CTNNA3: variants seen among roughly 807,000 people sequenced by gnomAD.
The protein encoded by CTNNA3 is catenin alpha-3.
A neutral mutation model predicts 95.7 loss-of-function variants in CTNNA3; 76 were observed. That is an observed-to-expected ratio of 0.79 (90% CI 0.66 to 0.96). The LOEUF (loss-of-function observed/expected upper bound fraction) is 0.96. Among genes scored for constraint, CTNNA3 ranks in the 40% least tolerant of loss-of-function variants. CTNNA3 has a pLI of 0.00. For synonymous variants in CTNNA3, 431 were observed against 374.4 expected (o/e 1.15, Z -1.74); for missense variants, 1,191 against 1,089.8 (o/e 1.09, Z -1.31).
intron 5 of CTNNA3, among the ~76,000 whole-genome samples, chr10:67,516,677 T>C (rs1839826970): frequency 6.6e-6 from 1 of 152,234 alleles, no homozygotes; most frequent in Admixed American, 6.5e-5. Flanking sequence ...ACGTCTATCA[T>C]CACTCGTGCT....
At chr10:67,646,462 C>T (rs1839716705) in intron 2 of CTNNA3, among the ~76,000 whole-genome samples, 1 of 151,900 alleles carries the variant, frequency 6.6e-6, no homozygotes, top group Non-Finnish European at 1.5e-5. Flanking sequence ...ATCAGGGATG[C>T]ACATGTTTTG....
intron 5 of CTNNA3, among the ~76,000 whole-genome samples, chr10:67,390,260 G>T (rs1477999160): frequency 6.6e-6 from 1 of 152,138 alleles, no homozygotes; most frequent in East Asian, 1.9e-4. Flanking sequence ...ACTACCATCA[G>T]AGAATACTAC....
chr10:67,150,465 A>T (rs931526210), intron 7 of CTNNA3, among the ~76,000 whole-genome samples: 4 of 152,230 alleles, frequency 2.6e-5, no homozygotes, highest in African/African-American at 9.6e-5. Context: ...GGAACAAAAT[A>T]TTCATCTCCA....
intron 1 of CTNNA3, among the ~76,000 whole-genome samples, chr10:67,693,053 C>T (rs1029098665): frequency 9.2e-5 from 14 of 152,310 alleles, no homozygotes; most frequent in Middle Eastern, 3.4e-3. Context: ...GCCAAATAAA[C>T]TTGACCTAAT....
intron 9 of CTNNA3, among the ~76,000 whole-genome samples, chr10:66,648,336 G>A (rs187256062): frequency 6.6e-6 from 1 of 152,146 alleles, no homozygotes; most frequent in Admixed American, 6.5e-5. Flanking sequence ...ACTCTGGCCC[G>A]CCATGGTGAA....
chr10:66,960,197 T>C (rs1024685834), intron 7 of CTNNA3, among the ~76,000 whole-genome samples: 1 of 152,146 alleles, frequency 6.6e-6, no homozygotes, highest in Admixed American at 6.6e-5. Flanking sequence ...TAAAACCATT[T>C]TCACAATGAA....
chr10:66,483,490 G>A (rs1374238102), intron 11 of CTNNA3, among the ~76,000 whole-genome samples: 1 of 152,032 alleles, frequency 6.6e-6, no homozygotes, highest in Non-Finnish European at 1.5e-5. Flanking sequence ...ATTTAACTAA[G>A]TTTTACTTAT....
rs1381213742 is a variant in CTNNA3, at chr10:67,750,812, A to G, written c.-2+12622T>C. The G allele has an allele frequency of 3.1e-6, 5 of 1,610,004 alleles. No homozygotes were observed. The Admixed American group carries it at 6.7e-5, about 21-fold the overall frequency. On this transcript the variant is annotated intron_variant, in intron 1 of 17. Transcript: ENST00000684154. ...AGGCTCTTGAACAAACCTGGACTGA[A>G]ATATAAACCAGTGACTAACCAGGTT...
At chr10:66,708,013 C>T (rs2132594528) in intron 9 of CTNNA3, among the ~76,000 whole-genome samples, 1 of 152,204 alleles carries the variant, frequency 6.6e-6, no homozygotes, top group African/African-American at 2.4e-5. Context: ...GTCACTCAAT[C>T]TAGGGTCTTA....
intron 7 of CTNNA3, among the ~76,000 whole-genome samples, chr10:66,941,240 C>T (rs957403488): frequency 2.0e-5 from 3 of 152,212 alleles, no homozygotes; most frequent in Non-Finnish European, 4.4e-5. Flanking sequence ...CATTTTACTC[C>T]AGTGTCACAC....
At chr10:66,916,746 G>A (rs562761108) in intron 7 of CTNNA3, among the ~76,000 whole-genome samples, 1 of 152,294 alleles carries the variant, frequency 6.6e-6, no homozygotes, top group Non-Finnish European at 1.5e-5. Context: ...AGGTGCTGGG[G>A]GGAAATTGAA....
chr10:67,521,701 G>A (rs1418768441), intron 5 of CTNNA3, 141 bp downstream of exon 5: 92 of 1,017,784 alleles, frequency 9.0e-5, no homozygotes, highest in Non-Finnish European at 7.6e-5. Context: ...TATGAACACA[G>A]CAGATCAGCA....
chr10:67,532,348 G>A (rs941479392), intron 4 of CTNNA3, among the ~76,000 whole-genome samples: 9 of 152,120 alleles, frequency 5.9e-5, no homozygotes, highest in Admixed American at 5.9e-4. Context: ...TAAATAGAGG[G>A]TGGCCTCGGA....
At chr10:66,685,335 A>G (rs1173396782) in intron 9 of CTNNA3, among the ~76,000 whole-genome samples, 19 of 66,192 alleles carry the variant, frequency 2.9e-4, no homozygotes, top group African/African-American at 1.1e-3. Flanking sequence ...GTATATATAT[A>G]TATATATATA....
At chr10:67,043,546 T>C (rs532882705) in intron 7 of CTNNA3, among the ~76,000 whole-genome samples, 289 of 152,320 alleles carry the variant, frequency 1.9e-3, no homozygotes, top group Admixed American at 3.1e-3. Context: ...CCTAATGTGA[T>C]GCTGTAACAC....
chr10:67,273,089 T>C (rs1839049909), intron 5 of CTNNA3, among the ~76,000 whole-genome samples: 1 of 152,160 alleles, frequency 6.6e-6, no homozygotes. Context: ...CTATCATTTA[T>C]TACTCATGAG....
At chr10:67,597,452 T>A (rs1241395320) in intron 3 of CTNNA3, among the ~76,000 whole-genome samples, 1 of 152,232 alleles carries the variant, frequency 6.6e-6, no homozygotes, top group East Asian at 1.9e-4. Context: ...TTATATTCTT[T>A]GATGCCCTTG....
At chr10:66,356,117 G>GTTTT (rs1275052192) in intron 12 of CTNNA3, among the ~76,000 whole-genome samples, 8 of 104,738 alleles carry the variant, frequency 7.6e-5, no homozygotes, top group South Asian at 3.5e-4. Flanking sequence ...TTGTTTGCTT[G>GTTTT]TTTTGTTTTT....
chr10:66,871,997 A>T (rs1844427762), intron 7 of CTNNA3, among the ~76,000 whole-genome samples: 1 of 152,204 alleles, frequency 6.6e-6, no homozygotes, highest in African/African-American at 2.4e-5. Context: ...ATAAATTCTG[A>T]GACTATATTC....
Sources: gnomAD v4.1 joint callset for allele counts (sites outside exome capture counted in the v4.1 genomes callset) on GRCh38, gnomAD v4.1.1 for gene constraint, MANE v1.5 for transcripts, NCBI Gene and HGNC (gene_info 2026-07-23, HGNC 2026-07-21) for gene names.